DCDC1: variants seen among roughly 807,000 people sequenced by gnomAD.
The protein encoded by DCDC1 is doublecortin domain containing 1, also known as doublecortin domain-containing protein 1.
A neutral mutation model predicts 178.3 loss-of-function variants in DCDC1; 200 were observed. The ratio of observed to expected loss-of-function variants is 1.12; its 90% confidence interval spans 1.00 to 1.26. DCDC1 has a LOEUF of 1.26. DCDC1 is among the 50% of genes most tolerant of loss of function. DCDC1 has a pLI of 0.00. For missense variants in DCDC1, 1,983 were observed against 1,749.2 expected (o/e 1.13, Z -2.38); for synonymous variants, 690 against 604.8 (o/e 1.14, Z -2.07).
intron 20 of DCDC1, among the ~76,000 whole-genome samples, chr11:31,002,642 T>C (rs1168305964): frequency 1.3e-5 from 2 of 152,210 alleles, no homozygotes; most frequent in African/African-American, 2.4e-5. Context: ...ATCCTTCAGT[T>C]ATTCCTCTAA....
intron 20 of DCDC1, among the ~76,000 whole-genome samples, chr11:31,004,193 G>A (rs1346290345): frequency 1.3e-5 from 2 of 152,116 alleles, no homozygotes; most frequent in Non-Finnish European, 2.9e-5. Context: ...AACACATTTA[G>A]TTTTATGCAC....
chr11:31,036,491 G>GA (rs1327222176), intron 20 of DCDC1, among the ~76,000 whole-genome samples: 1 of 152,076 alleles, frequency 6.6e-6, no homozygotes, highest in Non-Finnish European at 1.5e-5. Context: ...CACATTAATA[G>GA]CAGTGCCTTC....
At chr11:31,167,780 G>A (rs1343021994) in intron 9 of DCDC1, among the ~76,000 whole-genome samples, 1 of 152,126 alleles carries the variant, frequency 6.6e-6, no homozygotes, top group Non-Finnish European at 1.5e-5. Flanking sequence ...CTTCTCATAA[G>A]AAACATCTGG....
chr11:31,110,710 CAA>C (rs10714067), intron 11 of DCDC1, among the ~76,000 whole-genome samples: 116 of 142,418 alleles, frequency 8.1e-4, no homozygotes, highest in Admixed American at 7.1e-4. Flanking sequence ...AAGCAAGTGT[CAA>C]AAAAAAAAAA....
At chr11:31,037,565 G>A (rs1277231364) in intron 20 of DCDC1, among the ~76,000 whole-genome samples, 1 of 151,564 alleles carries the variant, frequency 6.6e-6, no homozygotes, top group Non-Finnish European at 1.5e-5. Context: ...CCCAGTAGCT[G>A]GGACTACAGG....
intron 38 of DCDC1, among the ~76,000 whole-genome samples, chr11:30,868,507 T>A (rs753300995): frequency 6.6e-6 from 1 of 152,010 alleles, no homozygotes; most frequent in African/African-American, 2.4e-5. Context: ...CACCTCGGCC[T>A]CCCAAAGTGC....
chr11:30,903,152 G>A (rs1445607196), intron 32 of DCDC1, among the ~76,000 whole-genome samples: 1 of 152,098 alleles, frequency 6.6e-6, no homozygotes, highest in African/African-American at 2.4e-5. Flanking sequence ...AACAAAACCA[G>A]TCTGTTCTTA....
At chr11:30,965,364 A>G (rs562996160) in intron 20 of DCDC1, among the ~76,000 whole-genome samples, 114 of 152,134 alleles carry the variant, frequency 7.5e-4, no homozygotes, top group South Asian at 5.4e-3. Flanking sequence ...AGCAAGAATG[A>G]TCCACTCATC....
intron 11 of DCDC1, among the ~76,000 whole-genome samples, chr11:31,112,412 G>C (rs1959193315): frequency 6.6e-6 from 1 of 152,152 alleles, no homozygotes; most frequent in South Asian, 2.1e-4. Context: ...AAAATTAAAA[G>C]TAGTCTACCT....
chr11:31,294,241 A>ACCTGCTCT (rs1408444481), intron 6 of DCDC1, among the ~76,000 whole-genome samples: 8 of 151,866 alleles, frequency 5.3e-5, no homozygotes, highest in Admixed American at 5.3e-4. Context: ...CAGAGTGAAA[A>ACCTGCTCT]CCAAGCACAG....
chr11:30,900,555 T>G, intron 32 of DCDC1, 57 bp from the exon 33 acceptor site: 1 of 1,348,192 alleles, frequency 7.4e-7, no homozygotes, highest in Non-Finnish European at 9.7e-7. Flanking sequence ...TAAATTTGTT[T>G]TCTGAATTTG....
chr11:31,247,022 G>A (rs1481554093), intron 8 of DCDC1, among the ~76,000 whole-genome samples: 1 of 152,016 alleles, frequency 6.6e-6, no homozygotes, highest in Admixed American at 6.6e-5. Context: ...TGCCTGTGGG[G>A]TCTACAGTGT....
chr11:31,082,860 A>T (rs183507789), intron 17 of DCDC1, among the ~76,000 whole-genome samples: 38 of 152,316 alleles, frequency 2.5e-4, no homozygotes, highest in South Asian at 1.0e-3. Context: ...GGCCAAAAGT[A>T]GAATGCACGT....
chr11:31,180,451 T>C (rs1448687249), intron 9 of DCDC1, among the ~76,000 whole-genome samples: 1 of 152,236 alleles, frequency 6.6e-6, no homozygotes, highest in Admixed American at 6.5e-5. Context: ...CAGCTCTCAG[T>C]GAGATCAATG....
chr11:30,982,661 C>A (rs189326540), intron 20 of DCDC1, among the ~76,000 whole-genome samples: 1 of 149,954 alleles, frequency 6.7e-6, no homozygotes, highest in Admixed American at 6.6e-5. Context: ...CAATTTTTCA[C>A]ATTAGATCGT....
chr11:31,137,805 G>C (rs1023539327), intron 9 of DCDC1, 21 bp from the exon 10 acceptor site: 43 of 699,694 alleles, frequency 6.1e-5, no homozygotes, highest in Admixed American at 3.0e-4. Flanking sequence ...CAAATAAACA[G>C]CATGAAAGCA....
At chr11:31,294,511 A>AGGCAGAG (rs1182054777) in intron 6 of DCDC1, among the ~76,000 whole-genome samples, 1 of 147,552 alleles carries the variant, frequency 6.8e-6, no homozygotes, top group Admixed American at 6.8e-5. Flanking sequence ...TGAACTCGGG[A>AGGCAGAG]GGCAGAGGTT....
chr11:31,032,548 T>C (rs965872954), intron 20 of DCDC1, among the ~76,000 whole-genome samples: 2 of 150,088 alleles, frequency 1.3e-5, no homozygotes, highest in South Asian at 2.1e-4. Flanking sequence ...TACATACATA[T>C]GCCTCAGTAA....
At chr11:30,884,213 TAG>T (rs1330551576) in intron 36 of DCDC1, among the ~76,000 whole-genome samples, 2 of 151,926 alleles carry the variant, frequency 1.3e-5, no homozygotes, top group African/African-American at 4.8e-5. Flanking sequence ...TTCGTTTTTG[TAG>T]AGACAGGGTT....
Sources: gnomAD v4.1 joint callset for allele counts (sites outside exome capture counted in the v4.1 genomes callset) on GRCh38, gnomAD v4.1.1 for gene constraint, MANE v1.5 for transcripts, NCBI Gene and HGNC (gene_info 2026-07-23, HGNC 2026-07-21) for gene names.